CACNA2D1: variants seen among roughly 807,000 people sequenced by gnomAD.
CACNA2D1 encodes the protein voltage-dependent calcium channel subunit alpha-2/delta-1.
A neutral mutation model predicts 171.5 loss-of-function variants in CACNA2D1; 53 were observed. The ratio of observed to expected loss-of-function variants is 0.31; its 90% CI spans 0.25 to 0.39. The LOEUF is 0.39. CACNA2D1 is among the 10% of genes least tolerant of loss of function. CACNA2D1 has a pLI of 1.00. For missense variants in CACNA2D1, 903 were observed against 1,299.8 expected (o/e 0.69, Z 4.69); for synonymous variants, 442 against 443.1 (o/e 1.00, Z 0.03).
chr7:82,054,727 G>A (rs1482252568), intron 10 of CACNA2D1, among the ~76,000 whole-genome samples: 1 of 152,004 alleles, frequency 6.6e-6, no homozygotes, highest in African/African-American at 2.4e-5. Flanking sequence ...AATTACATAC[G>A]GCAACAAAGA....
chr7:82,399,915 C>T (rs1826174989), intron 1 of CACNA2D1, among the ~76,000 whole-genome samples: 1 of 152,082 alleles, frequency 6.6e-6, no homozygotes, highest in South Asian at 2.1e-4. Context: ...TTTGTAGCAT[C>T]ACACATTCAT....
chr7:82,093,324 C>T (rs1811456395), intron 6 of CACNA2D1, among the ~76,000 whole-genome samples: 1 of 152,098 alleles, frequency 6.6e-6, no homozygotes, highest in Admixed American at 6.5e-5. Context: ...TAAGTGTTAC[C>T]TGCTCTCATC....
intron 3 of CACNA2D1, among the ~76,000 whole-genome samples, chr7:82,199,944 A>C (rs1799243931): frequency 6.6e-6 from 1 of 152,126 alleles, no homozygotes. Flanking sequence ...TCTCAAAAGT[A>C]TGATGCATTG....
At chr7:81,992,906 G>A (rs897176538) in intron 20 of CACNA2D1, among the ~76,000 whole-genome samples, 6 of 152,024 alleles carry the variant, frequency 3.9e-5, no homozygotes, top group Non-Finnish European at 8.8e-5. Flanking sequence ...TTTAGCCCAA[G>A]CATATAGTTA....
chr7:82,146,573 G>A (rs1793135487), intron 4 of CACNA2D1, among the ~76,000 whole-genome samples: 1 of 148,762 alleles, frequency 6.7e-6, no homozygotes, highest in Non-Finnish European at 1.5e-5. Context: ...ACTACAGTTT[G>A]AGTAGAGACA....
At chr7:82,293,374 T>C (rs1285077652) in intron 3 of CACNA2D1, among the ~76,000 whole-genome samples, 1 of 152,216 alleles carries the variant, frequency 6.6e-6, no homozygotes, top group Non-Finnish European at 1.5e-5. Flanking sequence ...TCTTTGTTTA[T>C]CCATATTTAA....
At chr7:82,006,650 T>G (rs1395203789) in intron 16 of CACNA2D1, among the ~76,000 whole-genome samples, 7 of 152,110 alleles carry the variant, frequency 4.6e-5, no homozygotes, top group African/African-American at 1.7e-4. Context: ...CATGAACCAA[T>G]CCTAGTCTGA....
intron 10 of CACNA2D1, chr7:82,050,819 A>G (rs775764989): frequency 7.4e-6 from 4 of 541,628 alleles, no homozygotes; most frequent in Non-Finnish European, 9.9e-6. Flanking sequence ...CTTGGTACTC[A>G]ACAACATTTC....
At chr7:82,042,119 A>G (rs998257632) in intron 10 of CACNA2D1, among the ~76,000 whole-genome samples, 1 of 152,210 alleles carries the variant, frequency 6.6e-6, no homozygotes, top group Non-Finnish European at 1.5e-5. Flanking sequence ...CAAATAATGT[A>G]CAGAAAGGAA....
chr7:82,407,146 GTC>G (rs1827148765), intron 1 of CACNA2D1, among the ~76,000 whole-genome samples: 1 of 152,170 alleles, frequency 6.6e-6, no homozygotes, highest in Non-Finnish European at 1.5e-5. Context: ...CCTGACAGGT[GTC>G]TTCAACTCTG....
chr7:81,980,723 C>T (rs989180029), intron 24 of CACNA2D1, among the ~76,000 whole-genome samples: 1 of 151,996 alleles, frequency 6.6e-6, no homozygotes, highest in Non-Finnish European at 1.5e-5. Flanking sequence ...AAGGCAGTGA[C>T]CTGGATTAGG....
At chr7:82,284,003 G>A (rs905387867) in intron 3 of CACNA2D1, among the ~76,000 whole-genome samples, 2 of 151,956 alleles carry the variant, frequency 1.3e-5, no homozygotes, top group African/African-American at 4.8e-5. Flanking sequence ...GCTCAAGTTA[G>A]AGATGGTCTG....
At chr7:81,983,543 A>T (rs1482165266) in intron 22 of CACNA2D1, among the ~76,000 whole-genome samples, 1 of 152,160 alleles carries the variant, frequency 6.6e-6, no homozygotes, top group Non-Finnish European at 1.5e-5. Context: ...TTATAACTAG[A>T]TTACCCTCTC....
intron 3 of CACNA2D1, among the ~76,000 whole-genome samples, chr7:82,218,238 A>G (rs1736849437): frequency 6.6e-6 from 1 of 152,040 alleles, no homozygotes; most frequent in Non-Finnish European, 1.5e-5. Flanking sequence ...CCGGCCGACT[A>G]CATTATTTAT....
intron 20 of CACNA2D1, among the ~76,000 whole-genome samples, chr7:81,991,734 A>G (rs1326556455): frequency 1.3e-5 from 2 of 152,222 alleles, no homozygotes; most frequent in African/African-American, 2.4e-5. Flanking sequence ...ACAACATCTA[A>G]TAAACCCACC....
chr7:82,381,736 A>G (rs190660357), intron 1 of CACNA2D1, among the ~76,000 whole-genome samples: 5 of 152,318 alleles, frequency 3.3e-5, no homozygotes, highest in Middle Eastern at 3.4e-3. Context: ...ATTTCCATAT[A>G]TAAATTGTAC....
chr7:81,991,863 A>G (rs1302837399), intron 20 of CACNA2D1, among the ~76,000 whole-genome samples: 1 of 150,042 alleles, frequency 6.7e-6, no homozygotes, highest in Non-Finnish European at 1.5e-5. Context: ...TAGACGGAGT[A>G]TCGCTCTGTC....
At chr7:81,973,216 G>A (rs912037896) in intron 25 of CACNA2D1, among the ~76,000 whole-genome samples, 2 of 151,960 alleles carry the variant, frequency 1.3e-5, no homozygotes, top group African/African-American at 4.8e-5. Flanking sequence ...TTCTCTCTTG[G>A]AAATGCCTAG....
intron 2 of CACNA2D1, among the ~76,000 whole-genome samples, chr7:82,336,763 A>G (rs1352618656): frequency 6.6e-6 from 1 of 152,232 alleles, no homozygotes; most frequent in Admixed American, 6.5e-5. Context: ...AGGTACAAAC[A>G]GATAAACCAC....
Sources: allele counts gnomAD v4.1 joint callset (sites outside exome capture counted in the v4.1 genomes callset), GRCh38; gene constraint gnomAD v4.1.1; transcripts MANE v1.5; gene names NCBI Gene and HGNC (gene_info 2026-07-23, HGNC 2026-07-21).